Variants in MARCHF7 observed in about 807,000 individuals in gnomAD.
MARCHF7 encodes the protein E3 ubiquitin-protein ligase MARCHF7.
In MARCHF7, 20 loss-of-function variants were observed where a neutral mutation model predicts 76.5. That is an observed-to-expected ratio of 0.26 (90% confidence interval 0.18 to 0.38). MARCHF7 has a LOEUF of 0.38. Ranked by LOEUF, MARCHF7 falls within the 10% of genes least tolerant of loss-of-function variation. The pLI is 1.00. For missense variants in MARCHF7, 797 were observed against 812.9 expected, an observed-to-expected ratio of 0.98 and a Z score of 0.24; for synonymous variants, 295 against 293.0, an observed-to-expected ratio of 1.01 and a Z score of -0.07.
At chr2:159,745,387 G>A (rs1328388231) in intron 5 of MARCHF7, among the ~76,000 whole-genome samples, 2 of 152,190 alleles carry the variant, frequency 1.3e-5, no homozygotes. Flanking sequence ...CGGGTGCGGT[G>A]GCTCGTGCTG....
intron 8 of MARCHF7, among the ~76,000 whole-genome samples, chr2:159,753,559 A>C (rs1705927207): frequency 6.6e-6 from 1 of 152,184 alleles, no homozygotes; most frequent in South Asian, 2.1e-4. Flanking sequence ...TCAAAAAAAA[A>C]AAAAGTTGAG....
chr2:159,743,359 G>C, intron 5 of MARCHF7, 106 bp downstream of exon 5: 1 of 1,020,348 alleles, frequency 9.8e-7, no homozygotes, highest in Non-Finnish European at 1.4e-6. Context: ...AAGACAGTGG[G>C]TCAGAAATGT....
Position 159,743,342 on chromosome 2 carries a change from T to G in MARCHF7, c.346+89T>G, listed in dbSNP as rs1358843260. 3.3e-6 allele frequency: 4 copies of G among 1,224,862 alleles called. No homozygotes were observed. The East Asian group carries it at 7.2e-5, about 22-fold the overall frequency. The allele number at this position is 1,224,862 out of a possible 1,614,324, so 75.9% of individuals were successfully genotyped here. A position where few individuals can be genotyped will look rare whatever the true frequency, so the allele number is the denominator to read the frequency against. On this transcript the variant is annotated intron_variant, in intron 5 of 11. Transcript: ENST00000409175. ...AGTTTTGGAATGAGGCAAGTAGATT[T>G]TATATGAAGACAGTGGGTCAGAAAT...
At chr2:159,732,675 A>G (rs1702962270) in intron 4 of MARCHF7, among the ~76,000 whole-genome samples, 1 of 152,052 alleles carries the variant, frequency 6.6e-6, no homozygotes, top group African/African-American at 2.4e-5. Flanking sequence ...CCCCTGCCAC[A>G]CACACACACG....
At chr2:159,729,237 T>G in intron 4 of MARCHF7, 62 bp downstream of exon 4, 1 of 1,181,056 alleles carries the variant, frequency 8.5e-7, no homozygotes, top group Non-Finnish European at 1.1e-6. Context: ...GGCCACTCTT[T>G]TGGGGGTATT....
chr2:159,748,745 G>A lies in MARCHF7; in HGVS notation c.1455G>A (p.Arg485=), dbSNP rs1199450235. ...GGATTCTTCCTGGTTCCTTATTCCG[G>A]TTTGCAGTCCCTCCAGCACTTGGGA... ...ISGILPGSLF[R]FAVPPALGSN... Residue 485 remains arginine (R), a synonymous_variant, in exon 7 of 12, where the codon CGG becomes CGA. Transcript: ENST00000409175. 5 of 1,614,028 alleles carry A rather than the reference G, an allele frequency of 3.1e-6. No individual in the cohort carries two copies. Among genetic ancestry groups the A allele is most frequent in the African/African-American group, 1.3e-5 (1 of 74,922 alleles).
At chr2:159,738,186 TA>T (rs1244088739) in intron 4 of MARCHF7, among the ~76,000 whole-genome samples, 8 of 152,110 alleles carry the variant, frequency 5.3e-5, no homozygotes, top group Non-Finnish European at 1.2e-4. Flanking sequence ...GGATCAGGTG[TA>T]CCACAGGCAG....
Position 159,770,184 on chromosome 2 carries a change from A to G in MARCHF7, c.*2842A>G, listed in dbSNP as rs1708090581. 6.6e-6 allele frequency: 1 copy of G among 152,182 alleles called. No individual in the cohort carries two copies. Among genetic ancestry groups the G allele is most frequent in the Admixed American group, 6.5e-5 (1 of 15,282 alleles). 9.4% of individuals were successfully genotyped at this position (152,182 alleles called of 1,614,324 possible). On this transcript the variant is annotated 3_prime_UTR_variant, in exon 12 of 12. Coordinates refer to ENST00000409175, the MANE Select transcript of MARCHF7 (RefSeq NM_001282805.2). ...GTGGTACAATTTGGGTAGGAAAACC[A>G]GGCAGGAATTCCAGGGTAGTGTTCA... is the stretch of plus-strand genomic sequence containing the variant.
intron 8 of MARCHF7, among the ~76,000 whole-genome samples, chr2:159,757,457 C>T (rs945445939): frequency 6.6e-6 from 1 of 152,148 alleles, no homozygotes; most frequent in African/African-American, 2.4e-5. Context: ...TAGGCAGATG[C>T]AATTCAGGGT....
intron 5 of MARCHF7, among the ~76,000 whole-genome samples, chr2:159,744,572 A>C (rs1704614332): frequency 6.6e-6 from 1 of 152,214 alleles, no homozygotes; most frequent in Non-Finnish European, 1.5e-5. Context: ...AATTGGAGGT[A>C]AAATTCTTTA....
intron 8 of MARCHF7, among the ~76,000 whole-genome samples, chr2:159,757,545 A>G (rs527371763): frequency 6.6e-6 from 1 of 152,332 alleles, no homozygotes; most frequent in African/African-American, 2.4e-5. Context: ...CAACAGGACA[A>G]GGTGAGAGGA....
Position 159,764,633 on chromosome 2 carries a change from A to G in MARCHF7, c.2015A>G (p.Asn672Ser). ...NEPSTRVRFINLARTLQAHME... is the reference protein window; with the variant it reads ...NEPSTRVRFISLARTLQAHME... ...TTTCTGCATTGTTTCTAGTTTATTA[A>G]CCTTGCAAGAACTCTTCAGGCACAT... The change falls in exon 11 of 12, where the codon AAC becomes AGC. Residue 672 changes from asparagine (N) to serine (S), a missense_variant. Around this residue, in one of 3 missense-constraint regions of MARCHF7, gnomAD observed 124 missense variants for 121.3 expected, o/e 1.02. Transcript: ENST00000409175. 1 of 1,598,814 alleles carries G rather than the reference A, an allele frequency of 6.3e-7. No individual in the cohort carries two copies. Among genetic ancestry groups the G allele is most frequent in the Non-Finnish European group, 8.5e-7 (1 of 1,172,772 alleles).
rs752110748 is a variant in MARCHF7, at chr2:159,743,154, C to A, written c.247C>A (p.Gln83Lys). 2 of 1,614,180 alleles carry A rather than the reference C, an allele frequency of 1.2e-6. No individual in the cohort carries two copies. The highest frequency in any genetic ancestry group is 1.7e-6 in the Non-Finnish European group (2 of 1,180,020). The change falls in exon 5 of 12, where the codon CAG (glutamine) becomes AAG (lysine). Residue 83 changes from glutamine to lysine, a missense_variant. This residue lies in a region of MARCHF7 where 643 missense variants were observed against 631.5 expected (regional missense o/e 1.02). Transcript: ENST00000409175. ...GGGAGCACGCTCAAGATCGCAGAAC[C>A]AGCAACGGGATCATGATTCAAAAAG... ...TQGARSRSQN[Q>K]QRDHDSKRPK...
At chr2:159,762,561 A>C (rs1707236213) in intron 9 of MARCHF7, among the ~76,000 whole-genome samples, 2 of 152,260 alleles carry the variant, frequency 1.3e-5, no homozygotes, top group Non-Finnish European at 1.5e-5. Context: ...AAATATATAT[A>C]GCTATAGCCA....
chr2:159,747,379 C>CT (rs1238303869), intron 6 of MARCHF7, among the ~76,000 whole-genome samples: 3 of 152,110 alleles, frequency 2.0e-5, no homozygotes, highest in African/African-American at 7.2e-5. Context: ...AAAAAAAAAT[C>CT]TCCAAAACAG....
intron 1 of MARCHF7, 99 bp downstream of exon 1, chr2:159,712,705 T>C (rs569025589): frequency 6.6e-6 from 1 of 152,394 alleles, no homozygotes; most frequent in African/African-American, 2.4e-5. Flanking sequence ...TGGGCGCTAG[T>C]TCGGGACCAG....
At chr2:159,750,393 C>T (rs1407547934) in intron 7 of MARCHF7, among the ~76,000 whole-genome samples, 1 of 152,156 alleles carries the variant, frequency 6.6e-6, no homozygotes, top group Non-Finnish European at 1.5e-5. Context: ...GGTGTGGTGG[C>T]ATGCACCTGT....
chr2:159,764,514 G>T, intron 10 of MARCHF7, 112 bp from the exon 11 acceptor site: 1 of 700,908 alleles, frequency 1.4e-6, no homozygotes, highest in East Asian at 3.1e-5. Flanking sequence ...CTATTTAAAG[G>T]CTTAAACTGA....
intron 3 of MARCHF7, among the ~76,000 whole-genome samples, chr2:159,720,172 C>T (rs550022762): frequency 4.6e-5 from 7 of 152,254 alleles, no homozygotes; most frequent in South Asian, 2.1e-4. Context: ...ATTACAGGAA[C>T]GCAACACCAT....
Sources: gnomAD v4.1 joint callset for allele counts (sites outside exome capture counted in the v4.1 genomes callset) on GRCh38, gnomAD v4.1.1 for gene constraint, gnomAD v4.1.1 regional missense constraint, MANE v1.5 for transcripts, NCBI Gene and HGNC (gene_info 2026-07-23, HGNC 2026-07-21) for gene names.